KCNN4: variants seen among roughly 807,000 people sequenced by gnomAD.
KCNN4 encodes potassium calcium-activated channel subfamily N member 4.
KCNN4 carries 31 observed loss-of-function variants against 45.2 expected under a neutral mutation model. That is an observed-to-expected ratio of 0.69 (90% CI 0.52 to 0.92). The LOEUF (loss-of-function observed/expected upper bound fraction) is 0.92. Among genes scored for constraint, KCNN4 ranks in the 40% least tolerant of loss-of-function variants. KCNN4 has a pLI of 0.00. For missense variants in KCNN4, 463 were observed against 574.0 expected, an observed-to-expected ratio of 0.81 and a Z score of 1.98; for synonymous variants, 231 against 254.6, an observed-to-expected ratio of 0.91 and a Z score of 0.88.
At chr19:43,779,560 C>T (rs1969913592) in intron 1 of KCNN4, among the ~76,000 whole-genome samples, 1 of 152,168 alleles carries the variant, frequency 6.6e-6, no homozygotes. Context: ...GAGAGGTCTC[C>T]AGCCCCTCCT....
intron 1 of KCNN4, 111 bp from the exon 2 acceptor site, chr19:43,776,747 G>C (rs910280173): frequency 1.6e-5 from 11 of 701,090 alleles, no homozygotes; most frequent in South Asian, 3.3e-5. Context: ...AATTTTCCTA[G>C]CCTCCTTCCC....
chr19:43,767,182 G>C, intron 8 of KCNN4, 93 bp from the exon 9 acceptor site: 1 of 246,888 alleles, frequency 4.1e-6, no homozygotes, highest in South Asian at 6.0e-5. Context: ...CCGGTGGGCA[G>C]AAGTGGGAGA....
chr19:43,776,547 C>A lies in KCNN4; in HGVS notation c.249G>T (p.Glu83Asp). 1.2e-6 allele frequency: 2 copies of A among 1,611,514 alleles called. No individual in the cohort carries two copies. Among genetic ancestry groups the A allele is most frequent in the Non-Finnish European group, 1.7e-6 (2 of 1,178,044 alleles). The change falls in exon 2 of 9, where the codon GAG (glutamate) becomes GAT (aspartate). Residue 83 changes from glutamate to aspartate, a missense_variant. Physicochemically the swap from Glu to Asp is conservative, Grantham distance 45. Transcript: ENST00000648319. The part of the protein sequence containing the change: ...LCLIVAFHAK[E>D]VQLFMTDNGL... ...GGGGCGGGGCCTGCCCTACCTGGAC[C>A]TCTTTGGCATGAAAGGCCACGATGA...
At position 43,779,306 on chromosome 19, in the gene KCNN4, C is replaced by T. The variant is rs903061828; in HGVS notation, c.159+1397G>A. Among the ~76,000 whole-genome samples, 8 of 152,230 alleles carry T rather than the reference C, an allele frequency of 5.3e-5. No individual in the cohort carries two copies. The South Asian group carries it at 6.2e-4, about 12-fold the overall frequency. On this transcript the variant is annotated intron_variant, in intron 1 of 8. Coordinates refer to ENST00000648319, the MANE Select transcript of KCNN4 (RefSeq NM_002250.3). ...TGGGTGCGGTGCTTCGGCGTGGGAG[C>T]GGCGGGCAGGCCCCGGCCATGCTTC...
chr19:43,776,530 G>A lies in KCNN4; in HGVS notation c.255+11C>T, dbSNP rs1375307852. ...GGAGGGAGCAAGGCTTAGGGGCGGGGCCTGCCCTACCTGGACCTCTTTGGC... is the reference window on the plus strand; with the variant it reads ...GGAGGGAGCAAGGCTTAGGGGCGGGACCTGCCCTACCTGGACCTCTTTGGC... On this transcript the variant is annotated intron_variant, in intron 2 of 8. Transcript: ENST00000648319. The A allele has an allele frequency of 1.9e-6, 3 of 1,592,106 alleles. No individual in the cohort carries two copies. Among genetic ancestry groups the A allele is most frequent in the Admixed American group, 1.7e-5 (1 of 59,976 alleles).
rs765201239 is a variant in KCNN4, at chr19:43,776,642, AGGG to A, written c.160-9_160-7del. 1.2e-6 allele frequency: 2 copies of A among 1,600,304 alleles called. No homozygotes were observed. Among genetic ancestry groups the A allele is most frequent in the Non-Finnish European group, 1.7e-6 (2 of 1,167,592 alleles). On this transcript the variant is annotated splice_region_variant and splice_polypyrimidine_tract_variant and intron_variant, in intron 1 of 8. Coordinates refer to ENST00000648319, the MANE Select transcript of KCNN4 (RefSeq NM_002250.3). ...AGGAACAGGTAGAGCGCCCACTGTC[AGGG>A]GGGACGGAAAAAGCGGTGTGAGATC...
chr19:43,775,313 C>T (rs548171254), intron 2 of KCNN4, among the ~76,000 whole-genome samples: 28 of 152,164 alleles, frequency 1.8e-4, no homozygotes, highest in Non-Finnish European at 3.2e-4. Context: ...GGTGACAGAG[C>T]GAGACTCCAT....
chr19:43,779,667 C>T (rs894331437), intron 1 of KCNN4, among the ~76,000 whole-genome samples: 4 of 152,078 alleles, frequency 2.6e-5, no homozygotes, highest in Admixed American at 6.6e-5. Context: ...TGGAATGTGA[C>T]GGGAGCCTGC....
intron 1 of KCNN4, 95 bp from the exon 2 acceptor site, chr19:43,776,731 A>G: frequency 1.3e-6 from 1 of 759,188 alleles, no homozygotes; most frequent in Admixed American, 2.2e-5. Context: ...TTTTTTTTTG[A>G]TTCCCAATTT....
chr19:43,768,698 A>G (rs137941540), intron 7 of KCNN4, among the ~76,000 whole-genome samples: 1 of 152,204 alleles, frequency 6.6e-6, no homozygotes, highest in African/African-American at 2.4e-5. Context: ...GTAACTTAAC[A>G]ATAAAGATAA....
At position 43,769,057 on chromosome 19, in the gene KCNN4, T is replaced by C. The variant is rs916316570; in HGVS notation, c.1050-25A>G. 1 of 1,612,860 alleles carries C rather than the reference T, an allele frequency of 6.2e-7. No individual in the cohort carries two copies. The highest frequency in any genetic ancestry group is 8.5e-7 in the Non-Finnish European group (1 of 1,179,064). On this transcript the variant is annotated intron_variant, in intron 6 of 8. Coordinates refer to ENST00000648319, the MANE Select transcript of KCNN4 (RefSeq NM_002250.3). The surrounding 1 kb of genome is among the most constrained non-coding windows in gnomAD (Gnocchi z 4.4). ...CCTGTGGGAAGAAGTGGGGAGTCAG[T>C]TTTACAAGCCTGGTCCCTGAATGTA...
Position 43,769,023 on chromosome 19 carries a change from C to CGGCTG in KCNN4, c.1058_1059insCAGCC (p.Gln353HisfsTer6). On this transcript the variant is annotated frameshift_variant, in exon 7 of 9. Transcript: ENST00000648319. LOFTEE classifies it high-confidence loss of function. The surrounding 1 kb of genome is among the most constrained non-coding windows in gnomAD (Gnocchi z 4.4). ...GGAGCTTCCGGTGTTTCAGCCGCAC[C>CGGCTG]TGGCGGAACCTGTGGGAAGAAGTGG... 1 of 1,614,124 alleles carries CGGCTG rather than the reference C, an allele frequency of 6.2e-7. No individual in the cohort carries two copies. The highest frequency in any genetic ancestry group is 8.5e-7 in the Non-Finnish European group (1 of 1,179,956).
chr19:43,777,794 G>A (rs1412068474), intron 1 of KCNN4, among the ~76,000 whole-genome samples: 3 of 152,126 alleles, frequency 2.0e-5, no homozygotes, highest in Non-Finnish European at 2.9e-5. Context: ...CCTGCCTGGC[G>A]GGTATTTGCA....
chr19:43,773,664 C>T (rs868475974), intron 3 of KCNN4, among the ~76,000 whole-genome samples: 1 of 152,178 alleles, frequency 6.6e-6, no homozygotes, highest in African/African-American at 2.4e-5. Flanking sequence ...GAAATTGAGG[C>T]GCGGCATCGG....
At chr19:43,776,848 A>T in intron 1 of KCNN4, 1 of 532,040 alleles carries the variant, frequency 1.9e-6, no homozygotes. Flanking sequence ...CTGTAATCCC[A>T]ACACTCTGGG....
In KCNN4 at chr19:43,772,061, T is replaced by C. The variant is rs201022082; in HGVS notation, c.758A>G (p.Tyr253Cys). ...CATGGTGCCCGGCACCACGTCACCA[T>C]AGCCGATGGTCAGGAATGTGATGGG... is the stretch of plus-strand genomic sequence containing the variant. ...LIPITFLTIG[Y>C]GDVVPGTMWG... Residue 253 changes from tyrosine to cysteine, a missense_variant, in exon 4 of 9, where the codon TAT (tyrosine) becomes TGT (cysteine). Coordinates refer to ENST00000648319, the MANE Select transcript of KCNN4 (RefSeq NM_002250.3). The surrounding 1 kb of genome is among the most constrained non-coding windows in gnomAD (Gnocchi z 4.4). 1.9e-6 allele frequency: 3 copies of C among 1,613,568 alleles called. No homozygotes were observed. Among genetic ancestry groups the C allele is most frequent in the African/African-American group, 2.7e-5 (2 of 74,890 alleles).
In KCNN4 at chr19:43,776,641, C is replaced by CA; in HGVS notation, c.160-6dup. 1.9e-6 allele frequency: 3 copies of CA among 1,602,156 alleles called. No individual in the cohort carries two copies. Among genetic ancestry groups the CA allele is most frequent in the Non-Finnish European group, 2.6e-6 (3 of 1,169,318 alleles). On this transcript the variant is annotated splice_region_variant and splice_polypyrimidine_tract_variant and intron_variant, in intron 1 of 8. Transcript: ENST00000648319. The stretch of plus-strand genomic sequence containing the variant: ...CAGGAACAGGTAGAGCGCCCACTGT[C>CA]AGGGGGGACGGAAAAAGCGGTGTGA...
At position 43,776,510 on chromosome 19, in the gene KCNN4, G is replaced by A. The variant is rs749021885; in HGVS notation, c.255+31C>T. The A allele has an allele frequency of 9.5e-6, 14 of 1,471,586 alleles. No homozygotes were observed. In the African/African-American group the frequency reaches 1.5e-4, roughly 16 times the overall value. 91.2% of individuals were successfully genotyped at this position (1,471,586 alleles called of 1,614,324 possible). A position where few individuals can be genotyped will look rare whatever the true frequency, so the allele number is the denominator to read the frequency against. ...GACAGGGCGCTGAGGGGGTTGGAGG[G>A]AGCAAGGCTTAGGGGCGGGGCCTGC... is the stretch of plus-strand genomic sequence containing the variant. On this transcript the variant is annotated intron_variant, in intron 2 of 8. Coordinates refer to ENST00000648319, the MANE Select transcript of KCNN4 (RefSeq NM_002250.3).
rs1232262032 is a variant in KCNN4 at position 43,780,972 on chromosome 19, C to G, written c.-111G>C. Reference sequence around the variant, plus strand: ...AGGTCGTCAGCCTGCTCTGCTGGCTCTGGGACTTTTGCTCTGAGGCACAGC... The same window carrying G: ...AGGTCGTCAGCCTGCTCTGCTGGCTGTGGGACTTTTGCTCTGAGGCACAGC... On this transcript the variant is annotated 5_prime_UTR_variant, in exon 1 of 9. Coordinates refer to ENST00000648319, the MANE Select transcript of KCNN4 (RefSeq NM_002250.3). 4 of 1,137,044 alleles carry G rather than the reference C, an allele frequency of 3.5e-6. No individual in the cohort carries two copies. The highest frequency in any genetic ancestry group is 5.1e-6 in the Non-Finnish European group (4 of 787,620). 70.4% of individuals were successfully genotyped at this position (1,137,044 alleles called of 1,614,324 possible).
Sources: gnomAD v4.1 joint callset for allele counts (sites outside exome capture counted in the v4.1 genomes callset) on GRCh38, gnomAD v4.1.1 for gene constraint, Gnocchi (gnomAD v3.1) non-coding constraint, MANE v1.5 for transcripts, NCBI Gene and HGNC (gene_info 2026-07-23, HGNC 2026-07-21) for gene names.